NELL2: variants seen among roughly 807,000 people sequenced by gnomAD.
NELL2 encodes the protein neural EGFL like 2.
In NELL2, 41 loss-of-function variants were observed where a neutral mutation model predicts 109.6. The ratio of observed to expected loss-of-function variants is 0.37; its 90% CI spans 0.29 to 0.49. The LOEUF is 0.49. Among genes scored for constraint, NELL2 ranks in the 20% least tolerant of loss-of-function variants. The pLI, the probability that NELL2 is intolerant of heterozygous loss-of-function variation, is 0.98. For synonymous variants in NELL2, 355 were observed against 344.7 expected, an observed-to-expected ratio of 1.03 and a Z score of -0.33; for missense variants, 900 against 1,008.3, an observed-to-expected ratio of 0.89 and a Z score of 1.45.
chr12:44,585,045 A>G (rs1051856102), intron 15 of NELL2, among the ~76,000 whole-genome samples: 1 of 152,176 alleles, frequency 6.6e-6, no homozygotes, highest in Non-Finnish European at 1.5e-5. Context: ...GCTTTCATTA[A>G]ATTAATTTTT....
chr12:44,599,902 G>GC (rs997719774), intron 15 of NELL2, among the ~76,000 whole-genome samples: 2 of 149,812 alleles, frequency 1.3e-5, no homozygotes, highest in Admixed American at 6.7e-5. Context: ...AACCTCAGAG[G>GC]CCCCCCAAAA....
At chr12:44,586,078 T>C (rs1248050450) in intron 15 of NELL2, among the ~76,000 whole-genome samples, 1 of 151,806 alleles carries the variant, frequency 6.6e-6, no homozygotes, top group East Asian at 1.9e-4. Context: ...TGGAGGTCTT[T>C]CAGTCAATAC....
chr12:44,595,965 A>G (rs1944947814), intron 15 of NELL2, among the ~76,000 whole-genome samples: 2 of 152,124 alleles, frequency 1.3e-5, no homozygotes, highest in Admixed American at 6.5e-5. Flanking sequence ...AATTACAACT[A>G]TTGGGATTAT....
intron 3 of NELL2, among the ~76,000 whole-genome samples, chr12:44,793,746 T>C (rs2136636531): frequency 6.6e-6 from 1 of 152,290 alleles, no homozygotes; most frequent in East Asian, 1.9e-4. Flanking sequence ...ACCTGACACA[T>C]GGTTAGTACT....
intron 16 of NELL2, among the ~76,000 whole-genome samples, chr12:44,525,541 G>T (rs1460270604): frequency 6.6e-6 from 1 of 151,986 alleles, no homozygotes; most frequent in Non-Finnish European, 1.5e-5. Context: ...ACTAACTGGT[G>T]GTATAGAATT....
chr12:44,754,893 T>C (rs533060559), intron 9 of NELL2, among the ~76,000 whole-genome samples: 1 of 152,334 alleles, frequency 6.6e-6, no homozygotes, highest in African/African-American at 2.4e-5. Context: ...TAAGATTTAC[T>C]ATCGACAACT....
chr12:44,746,257 G>T (rs1287970131), intron 9 of NELL2, among the ~76,000 whole-genome samples: 1 of 152,200 alleles, frequency 6.6e-6, no homozygotes, highest in Non-Finnish European at 1.5e-5. Context: ...GTAGAAAGCT[G>T]AAACTGAATC....
At chr12:44,618,913 A>G (rs933280023) in intron 13 of NELL2, among the ~76,000 whole-genome samples, 10 of 152,116 alleles carry the variant, frequency 6.6e-5, no homozygotes, top group Non-Finnish European at 2.9e-5. Flanking sequence ...TATTAGTTTT[A>G]TTTTTATTTT....
At chr12:44,899,864 C>A (rs1945639519) in intron 1 of NELL2, among the ~76,000 whole-genome samples, 1 of 152,030 alleles carries the variant, frequency 6.6e-6, no homozygotes, top group African/African-American at 2.4e-5. Flanking sequence ...ATTCAGGAGA[C>A]CCATCTTATG....
intron 9 of NELL2, among the ~76,000 whole-genome samples, chr12:44,772,667 C>T (rs973033029): frequency 8.5e-5 from 13 of 152,144 alleles, no homozygotes; most frequent in Admixed American, 2.0e-4. Flanking sequence ...CAAACATAAG[C>T]ATGAACCCTC....
chr12:44,633,522 T>G (rs1008408819), intron 13 of NELL2, among the ~76,000 whole-genome samples: 1 of 152,100 alleles, frequency 6.6e-6, no homozygotes, highest in African/African-American at 2.4e-5. Flanking sequence ...AAACAAACAT[T>G]TACTTGTCAG....
chr12:44,685,395 C>G (rs7133504), intron 12 of NELL2, among the ~76,000 whole-genome samples: 8,882 of 151,950 alleles, frequency 0.058, 863 homozygotes, highest in African/African-American at 0.2. Context: ...CTTTTAATTG[C>G]AGCATTTAGT....
At chr12:44,626,378 G>T (rs11182579) in intron 13 of NELL2, among the ~76,000 whole-genome samples, 26,359 of 152,026 alleles carry the variant, frequency 0.17, 3,569 homozygotes, top group African/African-American at 0.37. Flanking sequence ...TAATTCACAG[G>T]TTTTTGTAGC....
At chr12:44,891,751 T>C (rs1339453220) in intron 1 of NELL2, among the ~76,000 whole-genome samples, 1 of 152,150 alleles carries the variant, frequency 6.6e-6, no homozygotes, top group Admixed American at 6.5e-5. Flanking sequence ...GGGCCAAGCA[T>C]GACATCAGGC....
At chr12:44,802,120 T>C (rs1942852097) in intron 3 of NELL2, among the ~76,000 whole-genome samples, 1 of 152,100 alleles carries the variant, frequency 6.6e-6, no homozygotes, top group South Asian at 2.1e-4. Flanking sequence ...CACTTAGAAA[T>C]GGAGAGTTTA....
At chr12:44,767,127 A>G (rs564316108) in intron 9 of NELL2, among the ~76,000 whole-genome samples, 1 of 152,300 alleles carries the variant, frequency 6.6e-6, no homozygotes, top group South Asian at 2.1e-4. Flanking sequence ...GGGGAGGTCA[A>G]TACATTCTTA....
chr12:44,727,938 G>A (rs1939167582), intron 9 of NELL2, among the ~76,000 whole-genome samples: 1 of 151,944 alleles, frequency 6.6e-6, no homozygotes, highest in Non-Finnish European at 1.5e-5. Flanking sequence ...CATGTCTTCA[G>A]TGATGCTATT....
intron 16 of NELL2, among the ~76,000 whole-genome samples, chr12:44,531,941 C>A (rs1942080939): frequency 6.6e-6 from 1 of 151,996 alleles, no homozygotes; most frequent in Non-Finnish European, 1.5e-5. Flanking sequence ...AAAATCATGC[C>A]CCTTAAATAG....
intron 9 of NELL2, among the ~76,000 whole-genome samples, chr12:44,738,477 T>TA (rs78566142): frequency 0.056 from 7,996 of 142,696 alleles, 678 homozygotes; most frequent in African/African-American, 0.18. Flanking sequence ...TTATTTATCT[T>TA]AAAAAAAAAA....
Sources: allele counts gnomAD v4.1 joint callset (sites outside exome capture counted in the v4.1 genomes callset), GRCh38; gene constraint gnomAD v4.1.1; transcripts MANE v1.5; gene names NCBI Gene and HGNC (gene_info 2026-07-23, HGNC 2026-07-21).